ANXA8: variants seen among roughly 807,000 people sequenced by gnomAD.
ANXA8 encodes annexin A8.
ANXA8 carries 9 observed loss-of-function variants against 26.8 expected under a neutral mutation model. The observed-to-expected ratio is 0.34, with a 90% confidence interval of 0.20 to 0.59. The LOEUF (loss-of-function observed/expected upper bound fraction) is 0.59, where lower values mean the gene tolerates loss of function less well. Ranked by LOEUF, ANXA8 falls within the 20% of genes least tolerant of loss-of-function variation. The pLI is 0.84. For synonymous variants in ANXA8, 39 were observed against 94.8 expected, an observed-to-expected ratio of 0.41 and a Z score of 3.42; for missense variants, 83 against 238.5, an observed-to-expected ratio of 0.35 and a Z score of 4.29.
chr10:47,667,258 G>A, the ANXA8 span, among the ~76,000 whole-genome samples: 24 of 152,036 alleles, frequency 1.6e-4, no homozygotes, highest in African/African-American at 5.1e-4. Context: ...CCCTTCATTA[G>A]TGGTTTCACT....
chr10:47,680,207 G>A, the ANXA8 span, among the ~76,000 whole-genome samples: 1 of 151,652 alleles, frequency 6.6e-6, no homozygotes, highest in Non-Finnish European at 1.5e-5. Flanking sequence ...TCAAATTCTG[G>A]TGTTCTATTG....
chr10:47,663,359 G>A, the ANXA8 span, among the ~76,000 whole-genome samples: 1 of 144,928 alleles, frequency 6.9e-6, no homozygotes, highest in Non-Finnish European at 1.5e-5. Context: ...TTGTAAATTT[G>A]CGTGAGATAA....
the ANXA8 span, among the ~76,000 whole-genome samples, chr10:47,493,012 G>A: frequency 2.0e-4 from 31 of 151,582 alleles, 1 homozygote; most frequent in Non-Finnish European, 3.8e-4. Flanking sequence ...CCTGCATGGT[G>A]TTTGCGGGCT....
At chr10:47,491,730 T>C in the ANXA8 span, 1 of 1,545,878 alleles carries the variant, frequency 6.5e-7, no homozygotes. Flanking sequence ...CAACATGCTT[T>C]TATAGCTGCC....
At chr10:47,480,985 GAGGTA>G (rs1308520564) in intron 1 of ANXA8, among the ~76,000 whole-genome samples, 1 of 99,720 alleles carries the variant, frequency 1.0e-5, no homozygotes, top group African/African-American at 3.5e-5. Context: ...CTTTGAGTAA[GAGGTA>G]AGGCATCTTT....
the ANXA8 span, among the ~76,000 whole-genome samples, chr10:47,743,405 T>TGTGTGAGAGAGAGAGA: frequency 2.4e-5 from 2 of 83,530 alleles, no homozygotes; most frequent in Admixed American, 1.7e-4. Flanking sequence ...TGTGTGTGTG[T>TGTGTGAGAGAGAGAGA]GAGAGAGAGA....
chr10:47,938,984 GCC>G, the ANXA8 span, among the ~76,000 whole-genome samples: 12 of 143,616 alleles, frequency 8.4e-5, no homozygotes, highest in Admixed American at 7.6e-4. Flanking sequence ...GACTTTGCCA[GCC>G]CCTGTTCTGG....
At chr10:47,621,648 T>C in the ANXA8 span, among the ~76,000 whole-genome samples, 22 of 107,268 alleles carry the variant, frequency 2.1e-4, 6 homozygotes, top group Admixed American at 1.9e-3. Context: ...TTCTTTATTT[T>C]TGTTCTAGTG....
chr10:47,483,861 C>G (rs2132438833), intron 1 of ANXA8, 52 bp downstream of exon 1: 1 of 1,611,614 alleles, frequency 6.2e-7, no homozygotes. Flanking sequence ...TCCCTGGTGA[C>G]CAGCACCCAA....
the ANXA8 span, among the ~76,000 whole-genome samples, chr10:47,658,890 G>A: frequency 1.3e-4 from 17 of 134,500 alleles, no homozygotes; most frequent in Admixed American, 7.3e-4. Flanking sequence ...TTATTTATTT[G>A]AGACAGAGTC....
At chr10:47,736,804 A>C in the ANXA8 span, among the ~76,000 whole-genome samples, 2 of 141,102 alleles carry the variant, frequency 1.4e-5, no homozygotes, top group Non-Finnish European at 3.1e-5. Flanking sequence ...ACAGGTGTGC[A>C]CCACCATGCC....
chr10:47,484,987 T>TGCAAACCTGGCCGCC (rs1175734733), upstream of ANXA8, among the ~76,000 whole-genome samples: 2 of 147,770 alleles, frequency 1.4e-5, no homozygotes, highest in Non-Finnish European at 3.0e-5. Flanking sequence ...CTGGAGCCGC[T>TGCAAACCTGGCCGCC]GCAAACCTGG....
chr10:47,546,466 G>C, the ANXA8 span, among the ~76,000 whole-genome samples: 1 of 108,866 alleles, frequency 9.2e-6, no homozygotes, highest in Admixed American at 1.1e-4. Flanking sequence ...GCAGTGGCTT[G>C]ATCTCGGCTC....
At chr10:47,693,095 T>C in the ANXA8 span, among the ~76,000 whole-genome samples, 2 of 151,678 alleles carry the variant, frequency 1.3e-5, no homozygotes, top group African/African-American at 4.9e-5. Flanking sequence ...TGATTTAAAA[T>C]TGACACATGG....
chr10:47,657,850 A>C, the ANXA8 span, among the ~76,000 whole-genome samples: 2 of 150,956 alleles, frequency 1.3e-5, 1 homozygote, highest in African/African-American at 4.9e-5. Context: ...AATAAGCAAA[A>C]CCTGCCTGGG....
the ANXA8 span, among the ~76,000 whole-genome samples, chr10:47,648,507 C>T: frequency 1.4e-5 from 2 of 145,774 alleles, no homozygotes; most frequent in East Asian, 2.0e-4. Flanking sequence ...CTAGTTCACA[C>T]CATGTGAGAA....
the ANXA8 span, among the ~76,000 whole-genome samples, chr10:47,669,202 T>G: frequency 6.6e-6 from 1 of 151,626 alleles, no homozygotes; most frequent in Non-Finnish European, 1.5e-5. Context: ...TACTGAGAGA[T>G]TGAGCGTTTC....
the ANXA8 span, chr10:47,502,573 A>G: frequency 6.2e-7 from 1 of 1,610,350 alleles, no homozygotes; most frequent in African/African-American, 1.4e-5. Flanking sequence ...ATCCAGCTCC[A>G]GAGATCGCAC....
the ANXA8 span, among the ~76,000 whole-genome samples, chr10:47,779,144 G>A: frequency 1.5e-5 from 2 of 135,640 alleles, no homozygotes; most frequent in Non-Finnish European, 3.1e-5. Flanking sequence ...CATAGGCAAA[G>A]GGAGCTTCTT....
Sources: gnomAD v4.1 joint callset for allele counts (sites outside exome capture counted in the v4.1 genomes callset) on GRCh38, gnomAD v4.1.1 for gene constraint, MANE v1.5 for transcripts, NCBI Gene and HGNC (gene_info 2026-07-23, HGNC 2026-07-21) for gene names.